LRRTM4: variants seen among roughly 807,000 people sequenced by gnomAD.
The protein encoded by LRRTM4 is leucine rich repeat transmembrane neuronal 4.
Under a neutral mutation model 47.6 loss-of-function variants are expected in LRRTM4, and 25 were observed. That is an observed-to-expected ratio of 0.53 (90% CI 0.38 to 0.73). The LOEUF is 0.73. Among genes scored for constraint, LRRTM4 ranks in the 30% least tolerant of loss-of-function variants. The pLI is 0.00. For synonymous variants in LRRTM4, 311 were observed against 269.5 expected (o/e 1.15, Z -1.51); for missense variants, 638 against 713.4 (o/e 0.89, Z 1.20).
At chr2:77,021,065 T>C (rs996838908) in intron 3 of LRRTM4, among the ~76,000 whole-genome samples, 2 of 152,222 alleles carry the variant, frequency 1.3e-5, no homozygotes, top group Middle Eastern at 3.4e-3. Context: ...AAGAAGCCAC[T>C]AAAGGAACTG....
intron 3 of LRRTM4, among the ~76,000 whole-genome samples, chr2:77,076,423 C>CCG (rs11435198): frequency 6.6e-6 from 1 of 151,778 alleles, no homozygotes; most frequent in Admixed American, 6.6e-5. Flanking sequence ...AGTTTCAGCC[C>CCG]GTTACTCCCC....
chr2:77,043,732 C>T (rs1235928782), intron 3 of LRRTM4, among the ~76,000 whole-genome samples: 1 of 151,638 alleles, frequency 6.6e-6, no homozygotes, highest in Admixed American at 6.6e-5. Flanking sequence ...TCTAATAATC[C>T]TACAATCTGG....
chr2:77,363,371 A>T (rs546131590), intron 3 of LRRTM4, among the ~76,000 whole-genome samples: 2 of 152,320 alleles, frequency 1.3e-5, no homozygotes, highest in South Asian at 4.1e-4. Flanking sequence ...AAGCAGAAGG[A>T]AAAGAAAAAT....
At chr2:77,037,650 GAAGA>G (rs1203899236) in intron 3 of LRRTM4, among the ~76,000 whole-genome samples, 1 of 151,628 alleles carries the variant, frequency 6.6e-6, no homozygotes, top group Non-Finnish European at 1.5e-5. Context: ...TCTAATATAA[GAAGA>G]AATATTTAAA....
At chr2:76,840,343 C>T (rs1671634941) in intron 3 of LRRTM4, among the ~76,000 whole-genome samples, 1 of 152,202 alleles carries the variant, frequency 6.6e-6, no homozygotes, top group South Asian at 2.1e-4. Context: ...GAGCTGTCTT[C>T]TACAAACCTG....
At chr2:77,145,612 C>CA (rs1181876984) in intron 3 of LRRTM4, among the ~76,000 whole-genome samples, 4,656 of 139,192 alleles carry the variant, frequency 0.033, 203 homozygotes, top group African/African-American at 0.11. Context: ...ACTAAAAATA[C>CA]AAAAAAAAAA....
intron 3 of LRRTM4, among the ~76,000 whole-genome samples, chr2:77,452,636 C>A (rs760116926): frequency 3.3e-5 from 5 of 152,188 alleles, no homozygotes; most frequent in Non-Finnish European, 5.9e-5. Context: ...TGGTTTATTG[C>A]TCTGCCATCA....
chr2:77,267,543 G>C (rs549550606), intron 3 of LRRTM4, among the ~76,000 whole-genome samples: 1 of 152,100 alleles, frequency 6.6e-6, no homozygotes, highest in Non-Finnish European at 1.5e-5. Flanking sequence ...CTCATGACTT[G>C]AATACCTCCC....
chr2:77,316,327 T>A (rs895320734), intron 3 of LRRTM4, among the ~76,000 whole-genome samples: 1 of 152,146 alleles, frequency 6.6e-6, no homozygotes, highest in African/African-American at 2.4e-5. Context: ...ATCTGAGAGA[T>A]TAAATAGGCA....
At chr2:76,809,870 A>G (rs1281626373) in intron 3 of LRRTM4, among the ~76,000 whole-genome samples, 1 of 151,888 alleles carries the variant, frequency 6.6e-6, no homozygotes, top group Non-Finnish European at 1.5e-5. Flanking sequence ...TTTTTTCTGG[A>G]TGTTAGACCT....
At chr2:77,142,506 G>A (rs746338454) in intron 3 of LRRTM4, among the ~76,000 whole-genome samples, 10 of 151,510 alleles carry the variant, frequency 6.6e-5, no homozygotes, top group East Asian at 1.9e-4. Context: ...CTATTGATTC[G>A]ATGTATATAA....
intron 3 of LRRTM4, among the ~76,000 whole-genome samples, chr2:76,834,023 TTTA>T (rs1256179240): frequency 3.2e-5 from 3 of 94,434 alleles, no homozygotes; most frequent in South Asian, 3.0e-4. Flanking sequence ...TTATTTATTA[TTTA>T]TTTATTTATT....
Position 77,240,427 on chromosome 2 carries a change from A to C in LRRTM4, c.1551+277891T>G, listed in dbSNP as rs561336586. ...TAATTCCTCAGCAAGCTAGAAATGA[A>C]AGAAAAGGTTTTTATCTTCAAAAAT... On this transcript the variant is annotated intron_variant, in intron 3 of 3. Coordinates refer to ENST00000409884, the MANE Select transcript of LRRTM4 (RefSeq NM_001134745.3). Among the ~76,000 whole-genome samples, 117 of 152,064 alleles carry C rather than the reference A, an allele frequency of 7.7e-4. 2 individuals carry two copies. Among genetic ancestry groups the C allele is most frequent in the African/African-American group, 2.7e-3 (114 of 41,556 alleles).
intron 3 of LRRTM4, among the ~76,000 whole-genome samples, chr2:76,802,387 A>G (rs1675746601): frequency 6.6e-6 from 1 of 152,130 alleles, no homozygotes; most frequent in South Asian, 2.1e-4. Flanking sequence ...TATCTACAAG[A>G]TAGTCTTAGG....
chr2:77,467,680 G>A (rs759507809), intron 3 of LRRTM4, among the ~76,000 whole-genome samples: 5 of 152,086 alleles, frequency 3.3e-5, no homozygotes, highest in African/African-American at 4.8e-5. Flanking sequence ...GAGTTCATAC[G>A]TAATGTTAAC....
intron 3 of LRRTM4, among the ~76,000 whole-genome samples, chr2:77,224,173 C>G (rs1276226532): frequency 6.6e-6 from 1 of 151,578 alleles, no homozygotes; most frequent in Non-Finnish European, 1.5e-5. Context: ...AAAGCTGAAA[C>G]TGGATCCCTT....
At chr2:77,224,428 A>C (rs1267960850) in intron 3 of LRRTM4, among the ~76,000 whole-genome samples, 1 of 152,216 alleles carries the variant, frequency 6.6e-6, no homozygotes, top group Non-Finnish European at 1.5e-5. Flanking sequence ...CAGGCAACCT[A>C]CAGAACGGGA....
intron 3 of LRRTM4, among the ~76,000 whole-genome samples, chr2:77,132,992 A>C (rs1671842737): frequency 6.6e-6 from 1 of 152,262 alleles, no homozygotes; most frequent in African/African-American, 2.4e-5. Flanking sequence ...TTATAGATAT[A>C]TATTATAGAT....
rs543251054 is a variant in LRRTM4, at chr2:76,981,039, A to G, written c.1552-232123T>C. On this transcript the variant is annotated intron_variant, in intron 3 of 3. Transcript: ENST00000409884. ...ATGACTTGATTAATGTAGTTATCAG[A>G]TGCTGCTTAACTCAGTTACAAGTGC... 2.0e-5 allele frequency among the ~76,000 whole-genome samples: 3 copies of G among 152,218 alleles called. No individual in the cohort carries two copies. In the South Asian group the frequency reaches 6.2e-4, roughly 32 times the overall value.
Sources: gnomAD v4.1 joint callset for allele counts (sites outside exome capture counted in the v4.1 genomes callset) on GRCh38, gnomAD v4.1.1 for gene constraint, MANE v1.5 for transcripts, NCBI Gene and HGNC (gene_info 2026-07-23, HGNC 2026-07-21) for gene names.